STK26: variants seen among roughly 807,000 people sequenced by gnomAD.
STK26 encodes serine/threonine kinase 26, also known as serine/threonine-protein kinase 26.
STK26 carries 14 observed loss-of-function variants against 34.7 expected under a neutral mutation model. That is an observed-to-expected ratio of 0.40 (90% confidence interval 0.27 to 0.63). STK26 has a LOEUF of 0.63. Ranked by LOEUF, STK26 falls within the 30% of genes least tolerant of loss-of-function variation. The probability of loss-of-function intolerance (pLI) is 0.38; values close to 1 mark genes in which losing one functional copy is unlikely to be tolerated. For synonymous variants in STK26, 100 were observed against 109.8 expected (o/e 0.91, Z 0.56); for missense variants, 226 against 309.1 (o/e 0.73, Z 2.02).
intron 2 of STK26, among the ~76,000 whole-genome samples, chrX:132,026,536 A>G (rs1439026487): frequency 3.6e-5 from 4 of 112,012 alleles, no homozygotes; most frequent in African/African-American, 1.3e-4. Flanking sequence ...TTTCCACTCA[A>G]ATATTTACTC....
chrX:132,066,534 T>C (rs1443868569), intron 4 of STK26, among the ~76,000 whole-genome samples: 1 of 111,876 alleles, frequency 8.9e-6, no homozygotes, highest in Non-Finnish European at 1.9e-5. Flanking sequence ...CATGGCAAGT[T>C]CTTCAGTTAT....
At chrX:132,048,709 C>T (rs1926582967) in intron 2 of STK26, among the ~76,000 whole-genome samples, 1 of 111,485 alleles carries the variant, frequency 9.0e-6, no homozygotes, top group South Asian at 3.7e-4. Context: ...CATAAATGGC[C>T]TTAAATTACA....
At chrX:132,030,211 T>C (rs1425027843) in intron 2 of STK26, among the ~76,000 whole-genome samples, 4 of 111,950 alleles carry the variant, frequency 3.6e-5, no homozygotes, top group Non-Finnish European at 5.6e-5. Context: ...GAAGCTTTCA[T>C]TCTCTTGTCT....
Position 132,054,733 on chromosome X carries a change from G to A in STK26, c.145G>A (p.Val49Ile). 8.3e-7 allele frequency: 1 copy of A among 1,211,058 alleles called. No homozygotes were observed. The highest frequency in any genetic ancestry group is 1.7e-5 in the African/African-American group (1 of 57,726). Residue 49 changes from valine (V) to isoleucine (I), a missense_variant, in exon 3 of 12, where the codon GTC becomes ATC. Coordinates refer to ENST00000394334, the MANE Select transcript of STK26 (RefSeq NM_016542.4). ...AGGAATTGATAACCGTACCCAGCAA[G>A]TCGTTGCTATTAAAATCATAGACCT... ...FKGIDNRTQQ[V>I]VAIKIIDLEE...
At position 132,072,994 on chromosome X, in the gene STK26, A is replaced by G. The variant is rs759399972; in HGVS notation, c.1127A>G (p.Gln376Arg). 51 of 1,209,364 alleles carry G rather than the reference A, an allele frequency of 4.2e-5. No individual in the cohort carries two copies. In the Middle Eastern group the frequency reaches 2.8e-3, roughly 65 times the overall value. Residue 376 changes from glutamine to arginine, a missense_variant, in exon 11 of 12, where the codon CAG becomes CGG. By Grantham distance (43) the Gln-to-Arg change is conservative. Transcript: ENST00000394334. The part of the protein sequence containing the change: ...QQDENNASRN[Q>R]AIEELEKSIA... ...GACGAGAATAACGCTAGCAGGAATC[A>G]GGCGATTGAAGAACTCGAGAAAAGT...
At chrX:132,071,974 T>C (rs1927429216) in intron 8 of STK26, among the ~76,000 whole-genome samples, 1 of 111,472 alleles carries the variant, frequency 9.0e-6, no homozygotes, top group Non-Finnish European at 1.9e-5. Context: ...CTTAAAGCAA[T>C]CACAAGCCAC....
intron 2 of STK26, among the ~76,000 whole-genome samples, chrX:132,035,078 A>T (rs1251221949): frequency 9.0e-6 from 1 of 110,699 alleles, no homozygotes; most frequent in African/African-American, 3.3e-5. Context: ...CATTTTGGGG[A>T]ATGTTGAATT....
At chrX:132,026,537 ATATT>A (rs1935105274) in intron 2 of STK26, among the ~76,000 whole-genome samples, 1 of 112,021 alleles carries the variant, frequency 8.9e-6, no homozygotes, top group Non-Finnish European at 1.9e-5. Flanking sequence ...TTCCACTCAA[ATATT>A]TACTCTTTAA....
In STK26 at chrX:132,044,830, G is replaced by C. The variant is rs2748727; in HGVS notation, c.43-9801G>C. ...ATCTATATATATATTTATATATATA[G>C]AGAGAGATCTATATATATATTTATA... is the stretch of plus-strand genomic sequence containing the variant. On this transcript the variant is annotated intron_variant, in intron 2 of 11. Coordinates refer to ENST00000394334, the MANE Select transcript of STK26 (RefSeq NM_016542.4). Among the ~76,000 whole-genome samples, 2 of 56,022 alleles carry C rather than the reference G, an allele frequency of 3.6e-5. 1 individual carries two copies. The highest frequency in any genetic ancestry group is 4.2e-4 in the Admixed American group (2 of 4,729). The allele number at this position is 56,022 out of a possible 115,157, so 48.6% of individuals were successfully genotyped here. A position where few individuals can be genotyped will look rare whatever the true frequency, so the allele number is the denominator to read the frequency against.
rs757300336 is a variant in STK26, at chrX:132,056,320, G to A, written c.273+1459G>A. Reference sequence around the variant, plus strand: ...CAGTGTGAAAAGACCTTCTTCCTCTGTAGGACAGTGTGAGAGCAATGGCTG... The same window carrying A: ...CAGTGTGAAAAGACCTTCTTCCTCTATAGGACAGTGTGAGAGCAATGGCTG... On this transcript the variant is annotated intron_variant, in intron 3 of 11. Transcript: ENST00000394334. Among the ~76,000 whole-genome samples, 3 of 112,129 alleles carry A rather than the reference G, an allele frequency of 2.7e-5. No homozygotes were observed. The East Asian group carries it at 8.4e-4, about 32-fold the overall frequency.
intron 2 of STK26, among the ~76,000 whole-genome samples, chrX:132,028,829 CAGGT>C (rs1925715193): frequency 8.9e-6 from 1 of 111,742 alleles, no homozygotes; most frequent in African/African-American, 3.3e-5. Flanking sequence ...AGAAAGAATT[CAGGT>C]TGGTACCAGA....
At position 132,069,674 on chromosome X, in the gene STK26, A is replaced by G. The variant is rs1927349186; in HGVS notation, c.783+11A>G. ...AAAGATCCATCATTTGTGAGTATAT[A>G]TTGCTATTATTACTATTTGTTTTCT... On this transcript the variant is annotated intron_variant, in intron 7 of 11. Transcript: ENST00000394334. 2 of 1,021,917 alleles carry G rather than the reference A, an allele frequency of 2.0e-6. No homozygotes were observed. The highest frequency in any genetic ancestry group is 2.5e-6 in the Non-Finnish European group (2 of 786,937). The allele number at this position is 1,021,917 out of a possible 1,213,427, so 84.2% of individuals were successfully genotyped here.
intron 2 of STK26, among the ~76,000 whole-genome samples, chrX:132,053,382 C>A (rs996124241): frequency 1.8e-5 from 2 of 111,883 alleles, no homozygotes; most frequent in African/African-American, 6.5e-5. Flanking sequence ...TCTTTAAAAG[C>A]AGTCATGAGT....
Position 132,023,586 on chromosome X carries a change from C to T in STK26, c.-32C>T, listed in dbSNP as rs1416488106. 2.6e-6 allele frequency: 3 copies of T among 1,167,856 alleles called. No individual in the cohort carries two copies. The highest frequency in any genetic ancestry group is 3.4e-6 in the Non-Finnish European group (3 of 873,409). On this transcript the variant is annotated 5_prime_UTR_variant, in exon 2 of 12. Transcript: ENST00000394334. The stretch of plus-strand genomic sequence containing the variant: ...CAGTCCGAACCCAAGGCGCCACCGC[C>T]GCAGAAGCGGAGCGAGGCAGCATTC...
chrX:132,040,704 A>G (rs778175614), intron 2 of STK26, among the ~76,000 whole-genome samples: 1 of 111,982 alleles, frequency 8.9e-6, no homozygotes, highest in African/African-American at 3.2e-5. Context: ...GTTAAGTGTC[A>G]GATATAATCA....
rs749231400 is a variant in STK26 at position 132,071,227 on chromosome X, A to G, written c.932+10A>G. 4 of 1,200,964 alleles carry G rather than the reference A, an allele frequency of 3.3e-6. No homozygotes were observed. The Admixed American group carries it at 9.0e-5, about 27-fold the overall frequency. ...CCGAGGGCTCTGATTCGTATGTACA[A>G]ATTATTTAATTTTTATGTAGGCAGC... On this transcript the variant is annotated intron_variant, in intron 8 of 11. Coordinates refer to ENST00000394334, the MANE Select transcript of STK26 (RefSeq NM_016542.4).
In STK26 at chrX:132,048,145, T is replaced by G. The variant is rs1926561441; in HGVS notation, c.43-6486T>G. Among the ~76,000 whole-genome samples, 3 of 112,057 alleles carry G rather than the reference T, an allele frequency of 2.7e-5. No homozygotes were observed. The South Asian group carries it at 1.1e-3, about 41-fold the overall frequency. Reference sequence around the variant, plus strand: ...CCACAAAGATAAGAAATATAGCATGTAATGCATGTTAATTAGCTAGATTTA... The same window carrying G: ...CCACAAAGATAAGAAATATAGCATGGAATGCATGTTAATTAGCTAGATTTA... On this transcript the variant is annotated intron_variant, in intron 2 of 11. Coordinates refer to ENST00000394334, the MANE Select transcript of STK26 (RefSeq NM_016542.4).
chrX:132,069,897 T>C (rs1191995977), intron 7 of STK26, among the ~76,000 whole-genome samples: 1 of 111,253 alleles, frequency 9.0e-6, no homozygotes, highest in Non-Finnish European at 1.9e-5. Context: ...CTCCTTATTC[T>C]ATTCATTATT....
chrX:132,055,941 A>G (rs1275089314), intron 3 of STK26, among the ~76,000 whole-genome samples: 1 of 112,303 alleles, frequency 8.9e-6, no homozygotes, highest in Non-Finnish European at 1.9e-5. Flanking sequence ...TCTGCTATTG[A>G]CACTTTATTG....
Sources: allele counts gnomAD v4.1 joint callset (sites outside exome capture counted in the v4.1 genomes callset), GRCh38; gene constraint gnomAD v4.1.1; transcripts MANE v1.5; gene names NCBI Gene and HGNC (gene_info 2026-07-23, HGNC 2026-07-21).